XIRP2: variants seen among roughly 807,000 people sequenced by gnomAD.
The protein encoded by XIRP2 is xin actin binding repeat containing 2.
A neutral mutation model predicts 277.0 loss-of-function variants in XIRP2; 236 were observed. The observed-to-expected ratio is 0.85, with a 90% CI of 0.77 to 0.95. The LOEUF (loss-of-function observed/expected upper bound fraction) is 0.95. Ranked by LOEUF, XIRP2 falls within the 40% of genes least tolerant of loss-of-function variation. XIRP2 has a pLI of 0.00. For missense variants in XIRP2, 4,640 were observed against 4,157.5 expected, an observed-to-expected ratio of 1.12 and a Z score of -3.19; for synonymous variants, 1,490 against 1,416.5, an observed-to-expected ratio of 1.05 and a Z score of -1.17.
intron 3 of XIRP2, among the ~76,000 whole-genome samples, chr2:167,193,756 T>A (rs1374567540): frequency 1.3e-5 from 2 of 151,548 alleles, no homozygotes; most frequent in African/African-American, 4.9e-5. Flanking sequence ...TGCGTGCCTG[T>A]AATCCCAGCT....
intron 5 of XIRP2, among the ~76,000 whole-genome samples, chr2:167,226,838 C>G (rs1363907886): frequency 1.3e-5 from 2 of 152,114 alleles, no homozygotes; most frequent in Non-Finnish European, 2.9e-5. Context: ...CACCTCCTAC[C>G]CTTATCATGA....
intron 2 of XIRP2, among the ~76,000 whole-genome samples, chr2:167,023,680 C>A (rs1688055346): frequency 6.6e-6 from 1 of 152,028 alleles, no homozygotes; most frequent in Non-Finnish European, 1.5e-5. Flanking sequence ...TTATGGCCAG[C>A]CAGTTTTCCC....
At chr2:166,938,259 G>A (rs761000464) in intron 2 of XIRP2, among the ~76,000 whole-genome samples, 10 of 152,166 alleles carry the variant, frequency 6.6e-5, no homozygotes, top group Non-Finnish European at 1.0e-4. Flanking sequence ...TCTACACACT[G>A]CTTTATCTGA....
chr2:166,949,168 G>T (rs1320936134), intron 2 of XIRP2, among the ~76,000 whole-genome samples: 5 of 151,932 alleles, frequency 3.3e-5, no homozygotes, highest in Admixed American at 1.3e-4. Flanking sequence ...GATAAATCAA[G>T]AATTATCATT....
intron 2 of XIRP2, among the ~76,000 whole-genome samples, chr2:167,086,931 C>T (rs553604301): frequency 8.6e-5 from 13 of 150,570 alleles, no homozygotes; most frequent in Non-Finnish European, 1.8e-4. Context: ...CTGAAGCCTT[C>T]TTCTGTCAGC....
chr2:167,044,452 G>A (rs1688738891), intron 2 of XIRP2, among the ~76,000 whole-genome samples: 1 of 151,948 alleles, frequency 6.6e-6, no homozygotes, highest in South Asian at 2.1e-4. Flanking sequence ...TAGATAAAAG[G>A]CATCCAAATA....
chr2:167,153,533 T>C (rs1349963639), intron 3 of XIRP2, among the ~76,000 whole-genome samples: 3 of 152,092 alleles, frequency 2.0e-5, no homozygotes, highest in Admixed American at 6.6e-5. Context: ...GCATTAGGTA[T>C]ATCTCCTAAA....
chr2:167,246,061 G>A lies in XIRP2; in HGVS notation c.4669G>A (p.Glu1557Lys), dbSNP rs760199692. 4 of 1,613,414 alleles carry A rather than the reference G, an allele frequency of 2.5e-6. No individual in the cohort carries two copies. In the African/African-American group the frequency reaches 5.3e-5, roughly 22 times the overall value. Residue 1557 changes from glutamate to lysine, a missense_variant, in exon 9 of 11, where the codon GAA becomes AAA. Glu to Lys is a moderately conservative substitution (Grantham distance 56, BLOSUM62 1). Coordinates refer to ENST00000409195, the MANE Select transcript of XIRP2 (RefSeq NM_152381.6). ...IIGKSIKETL[E>K]DLYSQKVIQA... ...TGGCAAGAGCATTAAAGAAACCTTA[G>A]AAGATCTCTACTCTCAAAAAGTTAT...
intron 2 of XIRP2, among the ~76,000 whole-genome samples, chr2:167,022,552 A>T (rs998097742): frequency 5.3e-5 from 8 of 151,840 alleles, no homozygotes; most frequent in Non-Finnish European, 1.0e-4. Context: ...GCACCCATTA[A>T]CTCGTCATTT....
intron 2 of XIRP2, among the ~76,000 whole-genome samples, chr2:167,083,016 C>T (rs527858161): frequency 6.6e-6 from 1 of 152,270 alleles, no homozygotes; most frequent in African/African-American, 2.4e-5. Context: ...GAAGTCCTTG[C>T]CCATGCCTAT....
chr2:167,016,776 G>T (rs754139534), intron 2 of XIRP2, among the ~76,000 whole-genome samples: 4 of 152,022 alleles, frequency 2.6e-5, no homozygotes, highest in Admixed American at 1.3e-4. Flanking sequence ...GGAGGATGGA[G>T]TATGAAGATT....
chr2:167,116,438 G>A (rs1690897897), intron 2 of XIRP2, among the ~76,000 whole-genome samples: 1 of 152,112 alleles, frequency 6.6e-6, no homozygotes, highest in African/African-American at 2.4e-5. Flanking sequence ...TATTTCATCT[G>A]ATATTAATAT....
intron 2 of XIRP2, among the ~76,000 whole-genome samples, chr2:167,007,761 A>G (rs950322155): frequency 2.3e-4 from 34 of 150,918 alleles, no homozygotes; most frequent in Non-Finnish European, 4.4e-5. Flanking sequence ...TGGCAGAGAA[A>G]ATATTGAATT....
At chr2:166,978,347 G>C (rs1686770723) in intron 2 of XIRP2, among the ~76,000 whole-genome samples, 2 of 152,032 alleles carry the variant, frequency 1.3e-5, no homozygotes, top group Non-Finnish European at 2.9e-5. Flanking sequence ...CTTCAAGATT[G>C]GTTTGAATAT....
intron 3 of XIRP2, among the ~76,000 whole-genome samples, chr2:167,153,365 G>GTT (rs75061070): frequency 6.8e-6 from 1 of 147,806 alleles, no homozygotes. Flanking sequence ...AAATAGTAAA[G>GTT]TTTTTTTTTT....
At chr2:166,997,651 A>T (rs562890986) in intron 2 of XIRP2, among the ~76,000 whole-genome samples, 1 of 152,292 alleles carries the variant, frequency 6.6e-6, no homozygotes, top group South Asian at 2.1e-4. Context: ...TCACGCCTGT[A>T]ATCTCAGCAC....
chr2:167,233,300 A>T (rs1024835144), intron 5 of XIRP2, among the ~76,000 whole-genome samples: 1 of 151,950 alleles, frequency 6.6e-6, no homozygotes, highest in South Asian at 2.1e-4. Context: ...ATTTTATGTC[A>T]TGTTAAAGAA....
At chr2:166,999,720 A>T (rs997188110) in intron 2 of XIRP2, among the ~76,000 whole-genome samples, 1 of 152,172 alleles carries the variant, frequency 6.6e-6, no homozygotes, top group Non-Finnish European at 1.5e-5. Flanking sequence ...ACAGGGAAAC[A>T]TAGAGCATCT....
At chr2:167,112,597 C>T (rs889906277) in intron 2 of XIRP2, among the ~76,000 whole-genome samples, 2 of 147,168 alleles carry the variant, frequency 1.4e-5, no homozygotes, top group Non-Finnish European at 1.5e-5. Flanking sequence ...ATATATAAAT[C>T]TCTATATAAA....
Sources: gnomAD v4.1 joint callset for allele counts (sites outside exome capture counted in the v4.1 genomes callset) on GRCh38, gnomAD v4.1.1 for gene constraint, MANE v1.5 for transcripts, NCBI Gene and HGNC (gene_info 2026-07-23, HGNC 2026-07-21) for gene names.